FHIT: variants seen among roughly 807,000 people sequenced by gnomAD.
The protein encoded by FHIT is bis(5'-adenosyl)-triphosphatase.
A neutral mutation model predicts 17.9 loss-of-function variants in FHIT; 19 were observed. That is an observed-to-expected ratio of 1.06 (90% CI 0.74 to 1.56). FHIT has a LOEUF of 1.56. FHIT is among the 40% of genes most tolerant of loss of function. The pLI is 0.00. For synonymous variants in FHIT, 81 were observed against 69.7 expected (o/e 1.16, Z -0.81); for missense variants, 248 against 189.2 (o/e 1.31, Z -1.82).
rs371292742 is a variant in FHIT, at chr3:61,208,804, T to G, written c.-212-8139A>C. 3.3e-5 allele frequency among the ~76,000 whole-genome samples: 5 copies of G among 152,226 alleles called. No individual in the cohort carries two copies. The East Asian group carries it at 7.7e-4, about 23-fold the overall frequency. On this transcript the variant is annotated intron_variant, in intron 1 of 9. Coordinates refer to ENST00000492590, the MANE Select transcript of FHIT (RefSeq NM_002012.4). Reference sequence around the variant, plus strand: ...ATCTGTGTCTTTTAATTGGAGCATTTAGTCCATTTACATTTAAGGTTAATA... The same window carrying G: ...ATCTGTGTCTTTTAATTGGAGCATTGAGTCCATTTACATTTAAGGTTAATA...
intron 3 of FHIT, among the ~76,000 whole-genome samples, chr3:61,038,328 T>A (rs2033352743): frequency 6.6e-6 from 1 of 152,124 alleles, no homozygotes; most frequent in African/African-American, 2.4e-5. Context: ...ATAAGAGTGG[T>A]GAAGGAACAC....
At chr3:60,122,495 G>C (rs1216961235) in intron 5 of FHIT, among the ~76,000 whole-genome samples, 1 of 152,174 alleles carries the variant, frequency 6.6e-6, no homozygotes, top group East Asian at 1.9e-4. Flanking sequence ...ACAGGAGGTG[G>C]TGGTAAAAAT....
At chr3:60,013,905 A>G (rs1700235415) in intron 6 of FHIT, 102 bp downstream of exon 6, 3 of 1,241,836 alleles carry the variant, frequency 2.4e-6, no homozygotes, top group South Asian at 2.8e-5. Flanking sequence ...CTAAAATACA[A>G]ACAATCACAT....
intron 4 of FHIT, among the ~76,000 whole-genome samples, chr3:60,628,334 A>C (rs1322058772): frequency 2.6e-5 from 4 of 152,232 alleles, no homozygotes; most frequent in Non-Finnish European, 5.9e-5. Context: ...TCATTTGAAT[A>C]TATTGAGGCT....
chr3:60,910,023 C>T (rs782204073), intron 3 of FHIT, among the ~76,000 whole-genome samples: 2 of 152,100 alleles, frequency 1.3e-5, no homozygotes, highest in Non-Finnish European at 2.9e-5. Flanking sequence ...GAAATGAACA[C>T]CTATTATTTT....
At chr3:60,741,506 A>G (rs554357125) in intron 4 of FHIT, among the ~76,000 whole-genome samples, 9 of 152,366 alleles carry the variant, frequency 5.9e-5, no homozygotes, top group Admixed American at 3.3e-4. Flanking sequence ...GCTGAAGCCA[A>G]TTCTGCTGGG....
intron 2 of FHIT, among the ~76,000 whole-genome samples, chr3:61,172,967 C>T (rs2038050537): frequency 6.6e-6 from 1 of 152,172 alleles, no homozygotes; most frequent in South Asian, 2.1e-4. Context: ...CAAAGTGAGC[C>T]TTTACCCCTC....
chr3:60,028,995 G>C (rs1409288745), intron 5 of FHIT, among the ~76,000 whole-genome samples: 1 of 152,104 alleles, frequency 6.6e-6, no homozygotes, highest in Non-Finnish European at 1.5e-5. Context: ...GTTAGTTGCA[G>C]GATAAGAAAA....
At chr3:60,852,335 C>T (rs1164288730) in intron 3 of FHIT, among the ~76,000 whole-genome samples, 2 of 152,050 alleles carry the variant, frequency 1.3e-5, no homozygotes, top group Non-Finnish European at 2.9e-5. Context: ...TGGGGACTTG[C>T]CAGCCTCCAT....
chr3:61,215,644 C>T (rs2039649663), intron 1 of FHIT, among the ~76,000 whole-genome samples: 1 of 152,318 alleles, frequency 6.6e-6, no homozygotes, highest in African/African-American at 2.4e-5. Flanking sequence ...GAATAAACTA[C>T]TTTAAAGTTC....
At chr3:61,047,163 T>C (rs1309622708) in intron 2 of FHIT, among the ~76,000 whole-genome samples, 2 of 152,200 alleles carry the variant, frequency 1.3e-5, no homozygotes, top group African/African-American at 4.8e-5. Flanking sequence ...ATAAAGGGTA[T>C]TCAATTAGGA....
chr3:60,811,576 G>C (rs1553736044), intron 4 of FHIT, among the ~76,000 whole-genome samples: 1 of 152,064 alleles, frequency 6.6e-6, no homozygotes, highest in Admixed American at 6.6e-5. Context: ...TAGTTTATAA[G>C]CTACCCTGAA....
chr3:60,807,918 T>C (rs1203103165), intron 4 of FHIT, among the ~76,000 whole-genome samples: 1 of 152,154 alleles, frequency 6.6e-6, no homozygotes, highest in African/African-American at 2.4e-5. Flanking sequence ...AAGATGTCGA[T>C]AAAGACCTCA....
At chr3:60,392,577 C>G (rs1701275003) in intron 5 of FHIT, among the ~76,000 whole-genome samples, 1 of 152,198 alleles carries the variant, frequency 6.6e-6, no homozygotes, top group African/African-American at 2.4e-5. Flanking sequence ...AAAACTAAAG[C>G]TGAACATACT....
chr3:61,199,871 C>T (rs1215794024), intron 2 of FHIT, among the ~76,000 whole-genome samples: 1 of 152,092 alleles, frequency 6.6e-6, no homozygotes, highest in African/African-American at 2.4e-5. Flanking sequence ...CCTATAATTG[C>T]CCAGAATGAA....
At chr3:60,085,280 A>C (rs1242428907) in intron 5 of FHIT, among the ~76,000 whole-genome samples, 1 of 152,186 alleles carries the variant, frequency 6.6e-6, no homozygotes, top group Admixed American at 6.5e-5. Context: ...CCAAGAGCAG[A>C]TCATTCTGTC....
intron 1 of FHIT, among the ~76,000 whole-genome samples, chr3:61,242,277 A>G (rs2040390580): frequency 6.6e-6 from 1 of 152,076 alleles, no homozygotes; most frequent in South Asian, 2.1e-4. Flanking sequence ...CAGCAGATTC[A>G]GAAAAAACAA....
At chr3:61,095,828 T>C (rs2035621358) in intron 2 of FHIT, among the ~76,000 whole-genome samples, 1 of 152,212 alleles carries the variant, frequency 6.6e-6, no homozygotes, top group Non-Finnish European at 1.5e-5. Context: ...ACCTTTCTTC[T>C]GGAAGCAGCC....
chr3:60,885,206 TC>T (rs1295098011), intron 3 of FHIT, among the ~76,000 whole-genome samples: 3 of 152,180 alleles, frequency 2.0e-5, no homozygotes, highest in African/African-American at 7.2e-5. Context: ...TTTGAAATGT[TC>T]CTAACACAAA....
Sources: allele counts gnomAD v4.1 joint callset (sites outside exome capture counted in the v4.1 genomes callset), GRCh38; gene constraint gnomAD v4.1.1; transcripts MANE v1.5; gene names NCBI Gene and HGNC (gene_info 2026-07-23, HGNC 2026-07-21).